Variants in SMG1 observed in about 807,000 individuals in gnomAD.
SMG1 encodes the protein SMG1 nonsense mediated mRNA decay associated PI3K related kinase.
Under a neutral mutation model 419.9 loss-of-function variants are expected in SMG1, and 22 were observed. The observed-to-expected ratio is 0.05, with a 90% confidence interval of 0.04 to 0.07. The LOEUF is 0.07. SMG1 is among the 10% of genes least tolerant of loss of function. The pLI is 1.00. For missense variants in SMG1, 3,185 were observed against 4,342.0 expected (o/e 0.73, Z 7.49); for synonymous variants, 1,538 against 1,553.5 (o/e 0.99, Z 0.23).
chr16:18,886,815 A>C (rs1264341858), intron 6 of SMG1, among the ~76,000 whole-genome samples: 1 of 152,226 alleles, frequency 6.6e-6, no homozygotes, highest in African/African-American at 2.4e-5. Context: ...AAAAAAGAGA[A>C]AAAGAAAACC....
In SMG1 at chr16:18,858,205, G is replaced by A. The variant is rs1488605746; in HGVS notation, c.4199C>T (p.Thr1400Ile). The A allele has an allele frequency of 6.3e-7, 1 of 1,595,380 alleles. No individual in the cohort carries two copies. The change falls in exon 29 of 63, where the codon ACT becomes ATT. Residue 1400 changes from threonine (T) to isoleucine (I), a missense_variant. Physicochemically the swap from Thr to Ile is moderately conservative, Grantham distance 89. Around this residue, in one of 27 missense-constraint regions of SMG1, gnomAD observed 493 missense variants for 552.9 expected, o/e 0.89. Coordinates refer to ENST00000446231, the MANE Select transcript of SMG1 (RefSeq NM_015092.5). ...CTCCAACAACTGATTCTGGTACATA[G>A]TATACCTTAATGCCTGCATCCATGG... ...VRPWMQALRY[T>I]MYQNQLLEKI...
chr16:18,881,911 A>C (rs1281059433), intron 10 of SMG1, among the ~76,000 whole-genome samples: 1 of 152,142 alleles, frequency 6.6e-6, no homozygotes, highest in Non-Finnish European at 1.5e-5. Context: ...CGAAAGAATA[A>C]GATTTAAAAA....
chr16:18,839,239 G>A (rs562118495), intron 42 of SMG1, among the ~76,000 whole-genome samples: 14 of 151,942 alleles, frequency 9.2e-5, no homozygotes, highest in Admixed American at 5.9e-4. Flanking sequence ...AGGTCTTTAC[G>A]TGAGTAAATT....
intron 8 of SMG1, among the ~76,000 whole-genome samples, chr16:18,884,570 A>G (rs2036540591): frequency 2.6e-5 from 4 of 152,234 alleles, no homozygotes; most frequent in Admixed American, 2.6e-4. Context: ...TCACCTGAAT[A>G]TCCTATTTTC....
At chr16:18,858,734 A>C (rs1334210449) in intron 28 of SMG1, 2 of 264,936 alleles carry the variant, frequency 7.5e-6, no homozygotes, top group Non-Finnish European at 1.4e-5. Context: ...CAAATCTAAA[A>C]TTTACGTAAT....
chr16:18,903,694 A>G (rs185509721), intron 1 of SMG1, among the ~76,000 whole-genome samples: 1 of 152,290 alleles, frequency 6.6e-6, no homozygotes, highest in Admixed American at 6.5e-5. Context: ...TAACTGGCCT[A>G]AGGTTGCACA....
chr16:18,815,527 G>C lies in SMG1; in HGVS notation c.10427C>G (p.Ala3476Gly), dbSNP rs764557989. The change falls in exon 59 of 63, where the codon GCT becomes GGT. Residue 3476 changes from alanine (A) to glycine (G), a missense_variant. Ala to Gly is a moderately conservative substitution (Grantham distance 60, BLOSUM62 0). Coordinates refer to ENST00000446231, the MANE Select transcript of SMG1 (RefSeq NM_015092.5). ...IQTVLFTLVQ[A>G]MGQVRSQEHV... ...TTCTTGACTTCGAACCTGACCCATA[G>C]CCTGGACTAATGTAAATAGAACTGT... is the stretch of plus-strand genomic sequence containing the variant. 3 of 1,613,936 alleles carry C rather than the reference G, an allele frequency of 1.9e-6. No individual in the cohort carries two copies. Among genetic ancestry groups the C allele is most frequent in the African/African-American group, 1.3e-5 (1 of 75,028 alleles).
rs751814165 is a variant in SMG1 at position 18,852,472 on chromosome 16, T to A, written c.4769-10A>T. Reference sequence around the variant, plus strand: ...CCAACTCCAATATGCACTGCCAAAATGGACAAAAAAATAATTATAATAAAA... The same window carrying A: ...CCAACTCCAATATGCACTGCCAAAAAGGACAAAAAAATAATTATAATAAAA... On this transcript the variant is annotated splice_polypyrimidine_tract_variant and intron_variant, in intron 31 of 62. Coordinates refer to ENST00000446231, the MANE Select transcript of SMG1 (RefSeq NM_015092.5). The A allele has an allele frequency of 4.0e-6, 6 of 1,510,828 alleles. No individual in the cohort carries two copies. Among genetic ancestry groups the A allele is most frequent in the Admixed American group, 4.7e-5 (2 of 42,412 alleles). The allele number at this position is 1,510,828 out of a possible 1,614,324, so 93.6% of individuals were successfully genotyped here. A position where few individuals can be genotyped will look rare whatever the true frequency, so the allele number is the denominator to read the frequency against.
chr16:18,922,450 G>C (rs1404941476), intron 1 of SMG1, among the ~76,000 whole-genome samples: 2 of 152,078 alleles, frequency 1.3e-5, no homozygotes, highest in Non-Finnish European at 2.9e-5. Context: ...TAATACAACT[G>C]ACCTAAGACC....
chr16:18,831,482 G>A (rs1037758719), intron 51 of SMG1, among the ~76,000 whole-genome samples: 1 of 152,112 alleles, frequency 6.6e-6, no homozygotes, highest in African/African-American at 2.4e-5. Flanking sequence ...AATGAAGTCT[G>A]AAATTCAGTG....
At position 18,807,279 on chromosome 16, in the gene SMG1, TATG is replaced by T. The variant is rs1034764579; in HGVS notation, c.*2287_*2289del. 21 of 152,188 alleles carry T rather than the reference TATG, an allele frequency of 1.4e-4. No homozygotes were observed. The highest frequency in any genetic ancestry group is 4.6e-4 in the African/African-American group (19 of 41,446). 9.4% of individuals were successfully genotyped at this position (152,188 alleles called of 1,614,324 possible). Reference sequence around the variant, plus strand: ...TATCATTGCGATAAAAGTTTTTCCTTATGATGACAATAAAGAATGTTGCTGAAA... The same window carrying T: ...TATCATTGCGATAAAAGTTTTTCCTTATGACAATAAAGAATGTTGCTGAAA... On this transcript the variant is annotated 3_prime_UTR_variant, in exon 63 of 63. Coordinates refer to ENST00000446231, the MANE Select transcript of SMG1 (RefSeq NM_015092.5).
At chr16:18,915,634 A>G (rs1172626578) in intron 1 of SMG1, among the ~76,000 whole-genome samples, 3 of 152,146 alleles carry the variant, frequency 2.0e-5, no homozygotes, top group Non-Finnish European at 4.4e-5. Context: ...GATGGCACAC[A>G]TAAAAATTCC....
In SMG1 at chr16:18,858,284, G is replaced by C. The variant is rs770746016; in HGVS notation, c.4120C>G (p.Leu1374Val). 5 of 1,587,960 alleles carry C rather than the reference G, an allele frequency of 3.1e-6. No individual in the cohort carries two copies. Among genetic ancestry groups the C allele is most frequent in the South Asian group, 2.3e-5 (2 of 85,680 alleles). ...AAAGCTTCACTGAAGAGTGGAATAAGACAGTCCTGCCAGAGAAAAACCAAA... is the reference window on the plus strand; with the variant it reads ...AAAGCTTCACTGAAGAGTGGAATAACACAGTCCTGCCAGAGAAAAACCAAA... ...VSNRLSTEDC[L>V]IPLFSEALRS... Residue 1374 changes from leucine to valine, a missense_variant, in exon 29 of 63, where the codon CTT becomes GTT. Coordinates refer to ENST00000446231, the MANE Select transcript of SMG1 (RefSeq NM_015092.5).
In SMG1 at chr16:18,847,442, T is replaced by C. The variant is rs905442186; in HGVS notation, c.5996+11A>G. 4 of 1,613,710 alleles carry C rather than the reference T, an allele frequency of 2.5e-6. No individual in the cohort carries two copies. Among genetic ancestry groups the C allele is most frequent in the Non-Finnish European group, 3.4e-6 (4 of 1,179,586 alleles). On this transcript the variant is annotated intron_variant, in intron 38 of 62. Coordinates refer to ENST00000446231, the MANE Select transcript of SMG1 (RefSeq NM_015092.5). ...GCTTCACTGTCTCAGGACAAGTGTA[T>C]GGAAACATACTTGCGTAAGGTGTTG...
intron 45 of SMG1, 121 bp from the exon 46 acceptor site, chr16:18,837,564 G>A (rs1442318712): frequency 3.7e-5 from 29 of 790,196 alleles, no homozygotes; most frequent in Non-Finnish European, 5.2e-5. Context: ...GGGGTGATGC[G>A]TTGCCTCCAC....
chr16:18,850,916 G>C (rs1443913341), intron 33 of SMG1, among the ~76,000 whole-genome samples: 1 of 152,086 alleles, frequency 6.6e-6, no homozygotes, highest in Non-Finnish European at 1.5e-5. Flanking sequence ...ACCACGCCCT[G>C]CTGTTTTTTT....
At chr16:18,882,937 T>A (rs985647284) in intron 9 of SMG1, among the ~76,000 whole-genome samples, 1 of 152,098 alleles carries the variant, frequency 6.6e-6, no homozygotes, top group Admixed American at 6.6e-5. Flanking sequence ...AGGGGAAGCA[T>A]CTCTACAAAC....
rs1207010568 is a variant in SMG1 at position 18,807,658 on chromosome 16, T to C, written c.*1911A>G. 6.6e-6 allele frequency: 1 copy of C among 152,204 alleles called. No individual in the cohort carries two copies. Among genetic ancestry groups the C allele is most frequent in the Non-Finnish European group, 1.5e-5 (1 of 68,020 alleles). 9.4% of individuals were successfully genotyped at this position (152,204 alleles called of 1,614,324 possible). A position where few individuals can be genotyped will look rare whatever the true frequency, so the allele number is the denominator to read the frequency against. On this transcript the variant is annotated 3_prime_UTR_variant, in exon 63 of 63. Coordinates refer to ENST00000446231, the MANE Select transcript of SMG1 (RefSeq NM_015092.5). The stretch of plus-strand genomic sequence containing the variant: ...CCCAGAGCTATGTGGAATTTTTTCC[T>C]TAATACCTTTCAAGTTTGTCTGTGA...
In SMG1 at chr16:18,869,322, T is replaced by C. The variant is rs762383162; in HGVS notation, c.2634-19A>G. On this transcript the variant is annotated intron_variant, in intron 19 of 62. Transcript: ENST00000446231. ...GTCCTTCCTGGGAAAAGCAGTTTCATATTTAAAAGACAATGACAACTTCAT... is the reference window on the plus strand; with the variant it reads ...GTCCTTCCTGGGAAAAGCAGTTTCACATTTAAAAGACAATGACAACTTCAT... The C allele has an allele frequency of 5.0e-6, 8 of 1,590,092 alleles. No individual in the cohort carries two copies. The highest frequency in any genetic ancestry group is 6.9e-6 in the Non-Finnish European group (8 of 1,164,754).
Sources: gnomAD v4.1 joint callset for allele counts (sites outside exome capture counted in the v4.1 genomes callset) on GRCh38, gnomAD v4.1.1 for gene constraint, gnomAD v4.1.1 regional missense constraint, MANE v1.5 for transcripts, NCBI Gene and HGNC (gene_info 2026-07-23, HGNC 2026-07-21) for gene names.